RUNX1: variants seen among roughly 807,000 people sequenced by gnomAD.
The protein encoded by RUNX1 is runt-related transcription factor 1.
RUNX1 carries 19 observed loss-of-function variants against 42.8 expected under a neutral mutation model. That is an observed-to-expected ratio of 0.44 (90% confidence interval 0.31 to 0.65). RUNX1 has a LOEUF of 0.65. Among genes scored for constraint, RUNX1 ranks in the 30% least tolerant of loss-of-function variants. The pLI, the probability that RUNX1 is intolerant of heterozygous loss-of-function variation, is 0.07. For synonymous variants in RUNX1, 271 were observed against 289.4 expected, an observed-to-expected ratio of 0.94 and a Z score of 0.64; for missense variants, 528 against 672.0, an observed-to-expected ratio of 0.79 and a Z score of 2.37.
chr21:34,865,998 C>T (rs1405967704), intron 5 of RUNX1, among the ~76,000 whole-genome samples: 1 of 152,198 alleles, frequency 6.6e-6, no homozygotes, highest in Admixed American at 6.5e-5. Flanking sequence ...GACTCGGCCT[C>T]CTCAGGTCTA....
intron 2 of RUNX1, among the ~76,000 whole-genome samples, chr21:34,967,125 C>T (rs1045133006): frequency 2.0e-5 from 3 of 151,328 alleles, no homozygotes; most frequent in Non-Finnish European, 4.4e-5. Context: ...TCGAGACCAG[C>T]CTGGCCAACA....
At position 34,887,039 on chromosome 21, in the gene RUNX1, A is replaced by G. The variant is rs200431130; in HGVS notation, c.155T>C (p.Met52Thr). 6.2e-7 allele frequency: 1 copy of G among 1,601,524 alleles called. No homozygotes were observed. Among genetic ancestry groups the G allele is most frequent in the Non-Finnish European group, 8.5e-7 (1 of 1,179,668 alleles). ...PPSTALSPGK[M>T]SEALPLGAPD... Reference sequence around the variant, plus strand: ...GGCGCCCAGCGGCAACGCCTCGCTCATCTTGCCTGGGCTCAGCGCGGTGGA... The same window carrying G: ...GGCGCCCAGCGGCAACGCCTCGCTCGTCTTGCCTGGGCTCAGCGCGGTGGA... The change falls in exon 4 of 9, where the codon ATG (methionine) becomes ACG (threonine). Residue 52 changes from methionine to threonine, a missense_variant. By Grantham distance (81) the Met-to-Thr change is moderately conservative. Around this residue, in one of 3 missense-constraint regions of RUNX1, gnomAD observed 114 missense variants for 115.0 expected, o/e 0.99. Transcript: ENST00000675419.
At chr21:34,868,066 G>A (rs914832860) in intron 5 of RUNX1, among the ~76,000 whole-genome samples, 4 of 152,332 alleles carry the variant, frequency 2.6e-5, no homozygotes, top group South Asian at 2.1e-4. Flanking sequence ...CTTGGGGGGC[G>A]TCAGCTCCTG....
At chr21:35,001,264 A>G (rs2059039927) in intron 2 of RUNX1, among the ~76,000 whole-genome samples, 1 of 148,508 alleles carries the variant, frequency 6.7e-6, no homozygotes, top group African/African-American at 2.5e-5. Flanking sequence ...TCAAATGTAC[A>G]ATTCAATAAG....
At chr21:34,995,852 A>G (rs1298990941) in intron 2 of RUNX1, among the ~76,000 whole-genome samples, 1 of 151,984 alleles carries the variant, frequency 6.6e-6, no homozygotes, top group Non-Finnish European at 1.5e-5. Context: ...TGTCTTAATT[A>G]TTTTCTCTGT....
At chr21:35,030,359 T>TA (rs959707352) in intron 2 of RUNX1, among the ~76,000 whole-genome samples, 1 of 150,288 alleles carries the variant, frequency 6.7e-6, no homozygotes, top group African/African-American at 2.5e-5. Context: ...AAATAAAAAA[T>TA]AAAAAAACCA....
chr21:34,793,706 CT>C (rs35219772), intron 8 of RUNX1, among the ~76,000 whole-genome samples: 56,113 of 144,494 alleles, frequency 0.39, 10,333 homozygotes, highest in African/African-American at 0.44. Flanking sequence ...AATATTTATT[CT>C]TTTTTTTTTT....
intron 2 of RUNX1, among the ~76,000 whole-genome samples, chr21:35,024,946 G>C (rs1384403695): frequency 6.6e-6 from 1 of 152,226 alleles, no homozygotes; most frequent in East Asian, 1.9e-4. Context: ...GACCAAGGAA[G>C]CTTGACAATA....
intron 2 of RUNX1, among the ~76,000 whole-genome samples, chr21:34,951,819 C>T (rs192858463): frequency 2.1e-4 from 32 of 152,202 alleles, no homozygotes; most frequent in Admixed American, 8.5e-4. Flanking sequence ...GACAGTGTGG[C>T]GATTTCTCAA....
In RUNX1 at chr21:34,843,169, T is replaced by C. The variant is rs373635304; in HGVS notation, c.614-8568A>G. On this transcript the variant is annotated intron_variant, in intron 6 of 8. Transcript: ENST00000675419. The surrounding 1 kb of genome is among the most constrained non-coding windows in gnomAD (Gnocchi z 4.8). Reference sequence around the variant, plus strand: ...ATATACACACAAACACAGGCATGCATGTAAACACATACAGACACACACATA... The same window carrying C: ...ATATACACACAAACACAGGCATGCACGTAAACACATACAGACACACACATA... 2.6e-5 allele frequency among the ~76,000 whole-genome samples: 4 copies of C among 151,922 alleles called. No homozygotes were observed. Among genetic ancestry groups the C allele is most frequent in the African/African-American group, 9.7e-5 (4 of 41,338 alleles).
At chr21:34,922,140 G>A (rs2058358717) in intron 2 of RUNX1, among the ~76,000 whole-genome samples, 1 of 152,154 alleles carries the variant, frequency 6.6e-6, no homozygotes, top group South Asian at 2.1e-4. Context: ...TGCTTCAAGT[G>A]TCTCTAACAG....
At chr21:34,969,748 C>T (rs906993866) in intron 2 of RUNX1, among the ~76,000 whole-genome samples, 2 of 149,266 alleles carry the variant, frequency 1.3e-5, no homozygotes, top group East Asian at 2.0e-4. Context: ...GGATTTACAG[C>T]GCTTTATCAG....
In RUNX1 at chr21:34,843,109, C is replaced by T. The variant is rs912765926; in HGVS notation, c.614-8508G>A. 6.6e-6 allele frequency among the ~76,000 whole-genome samples: 1 copy of T among 152,034 alleles called. No homozygotes were observed. Among genetic ancestry groups the T allele is most frequent in the Non-Finnish European group, 1.5e-5 (1 of 68,000 alleles). On this transcript the variant is annotated intron_variant, in intron 6 of 8. Coordinates refer to ENST00000675419, the MANE Select transcript of RUNX1 (RefSeq NM_001754.5). This position sits in a 1 kb window ranked among gnomAD's most constrained non-coding sequence, Gnocchi z 4.8. ...AACAAAATATAGATACACATGGACA[C>T]ACATGTATAAACACACATACAGACA...
At chr21:34,950,303 A>T (rs1010442937) in intron 2 of RUNX1, among the ~76,000 whole-genome samples, 4 of 152,250 alleles carry the variant, frequency 2.6e-5, no homozygotes, top group Admixed American at 6.5e-5. Flanking sequence ...ATTATATTAT[A>T]AATAACAGAA....
chr21:34,926,032 T>C (rs1001952935), intron 2 of RUNX1, among the ~76,000 whole-genome samples: 3 of 152,156 alleles, frequency 2.0e-5, no homozygotes, highest in South Asian at 4.1e-4. Flanking sequence ...GCAGAACATA[T>C]ACACAATTGT....
At chr21:34,906,160 T>G (rs765302488) in intron 2 of RUNX1, among the ~76,000 whole-genome samples, 5 of 152,230 alleles carry the variant, frequency 3.3e-5, no homozygotes, top group African/African-American at 1.2e-4. Context: ...CTATTGGCTT[T>G]GTTGGTCAAG....
intron 7 of RUNX1, among the ~76,000 whole-genome samples, chr21:34,825,352 G>A (rs2056971455): frequency 6.6e-6 from 1 of 152,222 alleles, no homozygotes; most frequent in Non-Finnish European, 1.5e-5. Flanking sequence ...ACACAGGGAA[G>A]AGAGCTCTTT....
At chr21:34,799,151 A>G in intron 8 of RUNX1, 150 bp downstream of exon 8, 1 of 811,338 alleles carries the variant, frequency 1.2e-6, no homozygotes, top group Non-Finnish European at 2.1e-6. Context: ...CAAGAAAATC[A>G]GTGCATGGGC....
chr21:34,882,760 A>T (rs1288796787), intron 4 of RUNX1, among the ~76,000 whole-genome samples: 1 of 150,926 alleles, frequency 6.6e-6, no homozygotes, highest in Non-Finnish European at 1.5e-5. Context: ...CTCACAACAA[A>T]TTTTCCCCTT....
Sources: gnomAD v4.1 joint callset for allele counts (sites outside exome capture counted in the v4.1 genomes callset) on GRCh38, gnomAD v4.1.1 for gene constraint, gnomAD v4.1.1 regional missense constraint, Gnocchi (gnomAD v3.1) non-coding constraint, MANE v1.5 for transcripts, NCBI Gene and HGNC (gene_info 2026-07-23, HGNC 2026-07-21) for gene names.